The following NTM variants were observed in gnomAD, a reference collection of about 807,000 sequenced individuals.
NTM encodes IgLON family member 2.
In NTM, 13 loss-of-function variants were observed where a neutral mutation model predicts 42.1. The ratio of observed to expected loss-of-function variants is 0.31; its 90% CI spans 0.20 to 0.49. The LOEUF (loss-of-function observed/expected upper bound fraction) is 0.49, where lower values mean the gene tolerates loss of function less well. NTM is among the 20% of genes least tolerant of loss of function. NTM has a pLI of 0.99. For missense variants in NTM, 373 were observed against 452.8 expected (o/e 0.82, Z 1.60); for synonymous variants, 187 against 179.2 (o/e 1.04, Z -0.35).
intron 1 of NTM, among the ~76,000 whole-genome samples, chr11:131,734,857 A>G (rs2080207347): frequency 6.6e-6 from 1 of 152,228 alleles, no homozygotes; most frequent in African/African-American, 2.4e-5. Flanking sequence ...TCAGACAATT[A>G]AAATCCAGTA....
At chr11:132,262,608 A>G (rs1363056151) in intron 4 of NTM, among the ~76,000 whole-genome samples, 1 of 152,158 alleles carries the variant, frequency 6.6e-6, no homozygotes, top group African/African-American at 2.4e-5. Context: ...CTTTAATTCC[A>G]TTCACGAGGA....
At chr11:131,964,613 T>G (rs1162233544) in intron 2 of NTM, among the ~76,000 whole-genome samples, 1 of 152,234 alleles carries the variant, frequency 6.6e-6, no homozygotes, top group Non-Finnish European at 1.5e-5. Flanking sequence ...TTTTTGGATA[T>G]GAATAGCTTC....
chr11:132,283,587 G>C (rs1283733934), intron 4 of NTM, among the ~76,000 whole-genome samples: 1 of 152,030 alleles, frequency 6.6e-6, no homozygotes, highest in Non-Finnish European at 1.5e-5. Flanking sequence ...GAAAAAATTG[G>C]CATCTTAAAA....
chr11:131,669,882 C>A (rs546474754), intron 1 of NTM, among the ~76,000 whole-genome samples: 1 of 152,168 alleles, frequency 6.6e-6, no homozygotes, highest in Non-Finnish European at 1.5e-5. Context: ...AAGATTTGAG[C>A]GATCTCTTGC....
At chr11:132,090,927 A>G (rs894029802) in intron 2 of NTM, among the ~76,000 whole-genome samples, 2 of 152,098 alleles carry the variant, frequency 1.3e-5, no homozygotes, top group African/African-American at 4.8e-5. Context: ...CAGACCTACC[A>G]AAAAAAGTGA....
intron 1 of NTM, among the ~76,000 whole-genome samples, chr11:131,821,957 T>C (rs1312022871): frequency 6.6e-6 from 1 of 152,236 alleles, no homozygotes; most frequent in East Asian, 1.9e-4. Context: ...CTGCCTTGAT[T>C]CTGTACCTCT....
At chr11:131,837,464 G>A (rs1217513605) in intron 1 of NTM, among the ~76,000 whole-genome samples, 1 of 152,204 alleles carries the variant, frequency 6.6e-6, no homozygotes. Flanking sequence ...TGTACAGTGA[G>A]TCCAGAATGA....
intron 1 of NTM, among the ~76,000 whole-genome samples, chr11:131,442,499 C>T (rs1023583943): frequency 6.6e-6 from 1 of 152,090 alleles, no homozygotes; most frequent in Admixed American, 6.5e-5. Flanking sequence ...AGGGATTGGG[C>T]TTCTAGTGTA....
intron 1 of NTM, among the ~76,000 whole-genome samples, chr11:131,832,017 A>AAT (rs1377961918): frequency 6.7e-6 from 1 of 149,788 alleles, no homozygotes; most frequent in Non-Finnish European, 1.5e-5. Context: ...TAATAAAATC[A>AAT]ATATTAGTCC....
intron 2 of NTM, among the ~76,000 whole-genome samples, chr11:132,142,081 G>C (rs895567941): frequency 6.6e-6 from 1 of 152,242 alleles, no homozygotes; most frequent in Non-Finnish European, 1.5e-5. Context: ...GATGGGCAGA[G>C]AGGATGCCAG....
At chr11:131,721,842 C>CA (rs1012169974) in intron 1 of NTM, among the ~76,000 whole-genome samples, 70 of 151,198 alleles carry the variant, frequency 4.6e-4, no homozygotes, top group African/African-American at 1.5e-3. Flanking sequence ...ACTAAAAATG[C>CA]AAAAAAATTA....
chr11:132,092,509 CCT>C (rs1430627630), intron 2 of NTM, among the ~76,000 whole-genome samples: 1 of 152,172 alleles, frequency 6.6e-6, no homozygotes, highest in Non-Finnish European at 1.5e-5. Context: ...GGCCTATCTC[CCT>C]GTCTTTCATG....
At chr11:131,946,139 C>T (rs1168211215) in intron 2 of NTM, among the ~76,000 whole-genome samples, 4 of 152,012 alleles carry the variant, frequency 2.6e-5, no homozygotes, top group African/African-American at 7.2e-5. Flanking sequence ...GGTGGGTAGA[C>T]GTTATAAACA....
intron 4 of NTM, among the ~76,000 whole-genome samples, chr11:132,227,386 A>G (rs1362568032): frequency 1.3e-5 from 2 of 151,996 alleles, no homozygotes; most frequent in East Asian, 3.9e-4. Context: ...AAGAGGGAGA[A>G]TGGGTTAAAG....
intron 1 of NTM, among the ~76,000 whole-genome samples, chr11:131,494,361 G>A (rs1402669458): frequency 6.6e-6 from 1 of 152,264 alleles, no homozygotes; most frequent in East Asian, 1.9e-4. Flanking sequence ...AATAGAGTAC[G>A]GTAGGAACAG....
chr11:131,844,824 C>A (rs1321478804), intron 1 of NTM, among the ~76,000 whole-genome samples: 1 of 152,116 alleles, frequency 6.6e-6, no homozygotes, highest in Admixed American at 6.5e-5. Context: ...TATTCAGCAA[C>A]TTTTCTAAAC....
At chr11:131,530,670 C>A (rs2051135750) in intron 1 of NTM, among the ~76,000 whole-genome samples, 1 of 152,172 alleles carries the variant, frequency 6.6e-6, no homozygotes, top group African/African-American at 2.4e-5. Context: ...CCCTTTGATG[C>A]AGCCAAGAAA....
At chr11:132,133,573 C>T (rs56798823) in intron 2 of NTM, among the ~76,000 whole-genome samples, 1,678 of 152,174 alleles carry the variant, frequency 0.011, 27 homozygotes, top group African/African-American at 0.038. Flanking sequence ...AAAGGTTCCC[C>T]GGGGGACCTA....
At chr11:131,826,722 G>C (rs1365088044) in intron 1 of NTM, among the ~76,000 whole-genome samples, 1 of 152,054 alleles carries the variant, frequency 6.6e-6, no homozygotes, top group Non-Finnish European at 1.5e-5. Flanking sequence ...GAACCAGGGT[G>C]GTTAGTGGTT....
Sources: allele counts gnomAD v4.1 joint callset (sites outside exome capture counted in the v4.1 genomes callset), GRCh38; gene constraint gnomAD v4.1.1; transcripts MANE v1.5; gene names NCBI Gene and HGNC (gene_info 2026-07-23, HGNC 2026-07-21).